SCARF1: variants seen among roughly 807,000 people sequenced by gnomAD.
SCARF1 encodes acetyl LDL receptor.
SCARF1 carries 49 observed loss-of-function variants against 76.3 expected under a neutral mutation model. The ratio of observed to expected loss-of-function variants is 0.64; its 90% confidence interval spans 0.51 to 0.81. SCARF1 has a LOEUF of 0.81. Among genes scored for constraint, SCARF1 ranks in the 40% least tolerant of loss-of-function variants. SCARF1 has a pLI of 0.00. For synonymous variants in SCARF1, 495 were observed against 474.6 expected (o/e 1.04, Z -0.56); for missense variants, 1,098 against 1,143.9 (o/e 0.96, Z 0.58).
In SCARF1 at chr17:1,645,526, T is replaced by C. The variant is rs1910464069; in HGVS notation, c.101+71A>G. ...TTCCCCTAACGGCCTCAACACCGGT[T>C]CAGCCACCCGCATCAGACTCCCACG... On this transcript the variant is annotated intron_variant, in intron 1 of 10. Transcript: ENST00000263071. This position sits in a 1 kb window ranked among gnomAD's most constrained non-coding sequence, Gnocchi z 6.3. 2 of 1,554,462 alleles carry C rather than the reference T, an allele frequency of 1.3e-6. No individual in the cohort carries two copies. The highest frequency in any genetic ancestry group is 2.3e-5 in the South Asian group (2 of 85,914).
chr17:1,637,549 C>T (rs561999758), intron 8 of SCARF1, among the ~76,000 whole-genome samples: 11 of 152,090 alleles, frequency 7.2e-5, no homozygotes, highest in African/African-American at 2.4e-4. Context: ...CTTGGCTCAC[C>T]GCAACCTTCG....
chr17:1,634,581 C>T lies in SCARF1; in HGVS notation c.*177G>A, dbSNP rs542373228. 1.3e-4 allele frequency: 106 copies of T among 800,334 alleles called. No individual in the cohort carries two copies. Among genetic ancestry groups the T allele is most frequent in the Non-Finnish European group, 2.0e-4 (104 of 530,812 alleles). The allele number at this position is 800,334 out of a possible 1,614,324, so 49.6% of individuals were successfully genotyped here. On this transcript the variant is annotated 3_prime_UTR_variant, in exon 11 of 11. Coordinates refer to ENST00000263071, the MANE Select transcript of SCARF1 (RefSeq NM_003693.4). ...CATCCTACAGGGTCTCTGCCCAGGC[C>T]TTCCTGGGCCCCTCCGGGAGCACTG...
At chr17:1,641,906 G>C (rs937817921) in intron 4 of SCARF1, among the ~76,000 whole-genome samples, 1 of 152,058 alleles carries the variant, frequency 6.6e-6, no homozygotes, top group Non-Finnish European at 1.5e-5. Context: ...ATTTTTAGTA[G>C]AGACGAGGTT....
Position 1,639,996 on chromosome 17 carries a change from CCA to C in SCARF1, c.1053_1054del (p.Cys351TrpfsTer13), listed in dbSNP as rs748631515. 6.2e-7 allele frequency: 1 copy of C among 1,613,970 alleles called. No individual in the cohort carries two copies. Among genetic ancestry groups the C allele is most frequent in the South Asian group, 1.1e-5 (1 of 91,082 alleles). ...CTGAACACAGGTGGGGCAGGTAGAG[CCA>C]CAGTCTTCCCCAAAGGTACCAGTGG... On this transcript the variant is annotated frameshift_variant, in exon 6 of 11. Coordinates refer to ENST00000263071, the MANE Select transcript of SCARF1 (RefSeq NM_003693.4). LOFTEE classifies it high-confidence loss of function.
chr17:1,640,070 A>C lies in SCARF1; in HGVS notation c.1011-30T>G, dbSNP rs1425926330. On this transcript the variant is annotated intron_variant, in intron 5 of 10. Coordinates refer to ENST00000263071, the MANE Select transcript of SCARF1 (RefSeq NM_003693.4). The surrounding 1 kb of genome is among the most constrained non-coding windows in gnomAD (Gnocchi z 4.7). ...GGTGAGGCAAGACTCGGGGAAGGGG[A>C]GACCAAGGCAGGCCTGGCCCCCACT... 6.2e-7 allele frequency: 1 copy of C among 1,608,730 alleles called. No individual in the cohort carries two copies. Among genetic ancestry groups the C allele is most frequent in the Non-Finnish European group, 8.5e-7 (1 of 1,177,802 alleles).
chr17:1,643,837 C>A lies in SCARF1; in HGVS notation c.396G>T (p.Pro132=), dbSNP rs1004602141. 7.9e-7 allele frequency: 1 copy of A among 1,270,370 alleles called. No homozygotes were observed. The highest frequency in any genetic ancestry group is 1.6e-5 in the African/African-American group (1 of 64,462). The allele number at this position is 1,270,370 out of a possible 1,614,324, so 78.7% of individuals were successfully genotyped here. A position where few individuals can be genotyped will look rare whatever the true frequency, so the allele number is the denominator to read the frequency against. The change falls in exon 4 of 11, where the codon CCG becomes CCT. Residue 132 remains proline (P), a synonymous_variant. Transcript: ENST00000263071. ...AGCGCCCGTGGGGGCCGCAGGCGCA[C>A]GGGAACTCGCAGCGGGCTCCCCAGC... is the stretch of plus-strand genomic sequence containing the variant. ...ADRWGARCEF[P]CACGPHGRCD... is the part of the protein sequence containing the mutation.
At chr17:1,637,152 T>A in intron 8 of SCARF1, 90 bp from the exon 9 acceptor site, 1 of 1,421,950 alleles carries the variant, frequency 7.0e-7, no homozygotes, top group Non-Finnish European at 9.7e-7. Context: ...TGACTGCCTC[T>A]ACTTCAGTGG....
rs530701742 is a variant in SCARF1, at chr17:1,635,667, A to G, written c.1634-50T>C. ...GGCTGGAGCTGAACTGGCCACCCCAATGCATCCTACCCACAGCTCAGCATC... is the reference window on the plus strand; with the variant it reads ...GGCTGGAGCTGAACTGGCCACCCCAGTGCATCCTACCCACAGCTCAGCATC... On this transcript the variant is annotated intron_variant, in intron 10 of 10. Transcript: ENST00000263071. 5.0e-5 allele frequency: 77 copies of G among 1,553,744 alleles called. No homozygotes were observed. In the South Asian group the frequency reaches 7.7e-4, roughly 15 times the overall value.
rs145590674 is a variant in SCARF1, at chr17:1,636,797, G to A, written c.1545C>T (p.Ala515=). ...AGAAGGAGTCATCAGTGGCCCAGCC[G>A]GCAGAGGGCGGCTCGATGAAGCTGT... The part of the protein sequence containing the change: ...FNHSFIEPPS[A]GWATDDSFSS... The change falls in exon 10 of 11, where the codon GCC becomes GCT. Residue 515 remains alanine (A), a synonymous_variant. Coordinates refer to ENST00000263071, the MANE Select transcript of SCARF1 (RefSeq NM_003693.4). 590 of 1,613,996 alleles carry A rather than the reference G, an allele frequency of 3.7e-4. No individual in the cohort carries two copies. Among genetic ancestry groups the A allele is most frequent in the African/African-American group, 5.7e-4 (43 of 74,970 alleles).
intron 7 of SCARF1, among the ~76,000 whole-genome samples, chr17:1,639,337 C>A (rs1909845983): frequency 6.6e-6 from 1 of 152,144 alleles, no homozygotes; most frequent in Non-Finnish European, 1.5e-5. Context: ...GAAACCCTGT[C>A]TCTACTAAAA....
Position 1,636,993 on chromosome 17 carries a change from G to A in SCARF1, c.1434C>T (p.Gly478=), listed in dbSNP as rs779772931. The A allele has an allele frequency of 2.5e-6, 4 of 1,613,978 alleles. No homozygotes were observed. Among genetic ancestry groups the A allele is most frequent in the Non-Finnish European group, 3.4e-6 (4 of 1,180,004 alleles). The stretch of plus-strand genomic sequence containing the variant: ...TGAGGGAACGGCAGGGCAGCGTGGA[G>A]CCCAAGCTGGTCAGTGTCCCCCAGA... ...LQVWGTLTSL[G]STLPCRSLSS... The change falls in exon 9 of 11, where the codon GGC becomes GGT. Residue 478 remains glycine, a synonymous_variant. Transcript: ENST00000263071.
In SCARF1 at chr17:1,643,710, C is replaced by T. The variant is rs1286565369; in HGVS notation, c.523G>A (p.Ala175Thr). 1 of 1,350,436 alleles carries T rather than the reference C, an allele frequency of 7.4e-7. No individual in the cohort carries two copies. The allele number at this position is 1,350,436 out of a possible 1,614,324, so 83.7% of individuals were successfully genotyped here. A position where few individuals can be genotyped will look rare whatever the true frequency, so the allele number is the denominator to read the frequency against. The change falls in exon 4 of 11, where the codon GCC becomes ACC. Residue 175 changes from alanine (A) to threonine (T), a missense_variant. Physicochemically the swap from Ala to Thr is moderately conservative, Grantham distance 58. Coordinates refer to ENST00000263071, the MANE Select transcript of SCARF1 (RefSeq NM_003693.4). ...GGCTTGCACACGCAGGCGCCCGTGGCCTGCTCGCAGCGCGCCGCCGCGGTG... is the reference window on the plus strand; with the variant it reads ...GGCTTGCACACGCAGGCGCCCGTGGTCTGCTCGCAGCGCGCCGCCGCGGTG... ...CNTAAARCEQ[A>T]TGACVCKPGW... is the part of the protein sequence containing the mutation.
At position 1,637,003 on chromosome 17, in the gene SCARF1, G is replaced by T; in HGVS notation, c.1424C>A (p.Thr475Asn). The T allele has an allele frequency of 6.2e-7, 1 of 1,614,004 alleles. No homozygotes were observed. The highest frequency in any genetic ancestry group is 1.1e-5 in the South Asian group (1 of 91,076). Residue 475 changes from threonine (T) to asparagine (N), a missense_variant, in exon 9 of 11, where the codon ACC becomes AAC. Coordinates refer to ENST00000263071, the MANE Select transcript of SCARF1 (RefSeq NM_003693.4). ...RMKLQVWGTL[T>N]SLGSTLPCRS... is the part of the protein sequence containing the mutation. ...GCAGGGCAGCGTGGAGCCCAAGCTG[G>T]TCAGTGTCCCCCAGACCTGCAGCTT...
In SCARF1 at chr17:1,635,519, G is replaced by A. The variant is rs1192236959; in HGVS notation, c.1732C>T (p.Arg578Cys). The A allele has an allele frequency of 1.2e-6, 2 of 1,613,756 alleles. No individual in the cohort carries two copies. The highest frequency in any genetic ancestry group is 1.7e-6 in the Non-Finnish European group (2 of 1,179,972). ...EDASTPFAIPRTSSLARAKRP... is the reference protein window; with the variant it reads ...EDASTPFAIPCTSSLARAKRP... ...TTGGCCCGAGCTAGGCTGGAGGTGC[G>A]CGGGATGGCGAATGGCGTGGAGGCG... The change falls in exon 11 of 11, where the codon CGC becomes TGC. Residue 578 changes from arginine (R) to cysteine (C), a missense_variant. Transcript: ENST00000263071.
chr17:1,634,654 G>T lies in SCARF1; in HGVS notation c.*104C>A, dbSNP rs1035392171. ...CTGGAAGCCTTGCCTTTTCCCTGTG[G>T]AGGCGCAGAGGCTCTGGTTTGTCTG... On this transcript the variant is annotated 3_prime_UTR_variant, in exon 11 of 11. Coordinates refer to ENST00000263071, the MANE Select transcript of SCARF1 (RefSeq NM_003693.4). 1.2e-5 allele frequency: 17 copies of T among 1,440,876 alleles called. No individual in the cohort carries two copies. Among genetic ancestry groups the T allele is most frequent in the Non-Finnish European group, 1.6e-5 (17 of 1,081,512 alleles). The allele number at this position is 1,440,876 out of a possible 1,614,324, so 89.3% of individuals were successfully genotyped here.
rs962363641 is a variant in SCARF1 at position 1,640,120 on chromosome 17, C to T, written c.1011-80G>A. 1.2e-5 allele frequency: 19 copies of T among 1,522,358 alleles called. No homozygotes were observed. The highest frequency in any genetic ancestry group is 2.3e-5 in the East Asian group (1 of 44,222). The allele number at this position is 1,522,358 out of a possible 1,614,324, so 94.3% of individuals were successfully genotyped here. ...TGTGGGGCCCCACCCCTCCGCCCCA[C>T]GCTCCTGGACTCAAGGACCCAACTG... On this transcript the variant is annotated intron_variant, in intron 5 of 10. Transcript: ENST00000263071. The surrounding 1 kb of genome is among the most constrained non-coding windows in gnomAD (Gnocchi z 4.7).
rs1274676996 is a variant in SCARF1, at chr17:1,635,098, C to G, written c.2153G>C (p.Gly718Ala). 5.0e-6 allele frequency: 8 copies of G among 1,613,808 alleles called. No individual in the cohort carries two copies. Among genetic ancestry groups the G allele is most frequent in the Non-Finnish European group, 6.8e-6 (8 of 1,180,046 alleles). The change falls in exon 11 of 11, where the codon GGC becomes GCC. Residue 718 changes from glycine to alanine, a missense_variant. Gly to Ala is a moderately conservative substitution (Grantham distance 60). Coordinates refer to ENST00000263071, the MANE Select transcript of SCARF1 (RefSeq NM_003693.4). Reference protein sequence around the residue: ...VFRHFGSFQKGQAEAKVKRAI... With the variant: ...VFRHFGSFQKAQAEAKVKRAI... ...CCTCTTGACCTTGGCTTCCGCCTGG[C>G]CTTTCTGGAAGCTACCAAAATGGCG...
chr17:1,638,868 G>A lies in SCARF1; in HGVS notation c.1302C>T (p.Leu434=). 3 of 1,610,734 alleles carry A rather than the reference G, an allele frequency of 1.9e-6. No individual in the cohort carries two copies. Among genetic ancestry groups the A allele is most frequent in the Non-Finnish European group, 1.7e-6 (2 of 1,178,186 alleles). Residue 434 remains leucine, a synonymous_variant, in exon 8 of 11, where the codon CTC becomes CTT. Coordinates refer to ENST00000263071, the MANE Select transcript of SCARF1 (RefSeq NM_003693.4). ...AGGCACAGCAGGCAAGGCCCAGGAAGAGCAGCAGCAGAGGCACAAGGCTGC... is the reference window on the plus strand; with the variant it reads ...AGGCACAGCAGGCAAGGCCCAGGAAAAGCAGCAGCAGAGGCACAAGGCTGC... ...IAGSLVPLLL[L]FLGLACCACC...
At position 1,639,572 on chromosome 17, in the gene SCARF1, C is replaced by G. The variant is rs545744383; in HGVS notation, c.1243+67G>C. 93 of 1,133,938 alleles carry G rather than the reference C, an allele frequency of 8.2e-5. No individual in the cohort carries two copies. The African/African-American group carries it at 1.3e-3, about 16-fold the overall frequency. 70.2% of individuals were successfully genotyped at this position (1,133,938 alleles called of 1,614,324 possible). On this transcript the variant is annotated intron_variant, in intron 7 of 10. Coordinates refer to ENST00000263071, the MANE Select transcript of SCARF1 (RefSeq NM_003693.4). ...CCAGACTCCCTGGTGAGGAACTTGCCCTGGAGCCCATGTGAAGGGCCCGCC... is the reference window on the plus strand; with the variant it reads ...CCAGACTCCCTGGTGAGGAACTTGCGCTGGAGCCCATGTGAAGGGCCCGCC...
Sources: gnomAD v4.1 joint callset for allele counts (sites outside exome capture counted in the v4.1 genomes callset) on GRCh38, gnomAD v4.1.1 for gene constraint, Gnocchi (gnomAD v3.1) non-coding constraint, MANE v1.5 for transcripts, NCBI Gene and HGNC (gene_info 2026-07-23, HGNC 2026-07-21) for gene names.